NIN: variants seen among roughly 807,000 people sequenced by gnomAD.
The protein encoded by NIN is ninein.
A neutral mutation model predicts 257.6 loss-of-function variants in NIN; 137 were observed. That is an observed-to-expected ratio of 0.53 (90% CI 0.46 to 0.61). The LOEUF (loss-of-function observed/expected upper bound fraction) is 0.61, where lower values mean the gene tolerates loss of function less well. NIN is among the 20% of genes least tolerant of loss of function. The pLI is 0.00. For synonymous variants in NIN, 918 were observed against 919.8 expected, an observed-to-expected ratio of 1.00 and a Z score of 0.04; for missense variants, 2,439 against 2,501.2, an observed-to-expected ratio of 0.98 and a Z score of 0.53.
rs757074308 is a variant in NIN at position 50,754,793 on chromosome 14, C to G, written c.4613G>C (p.Ser1538Thr). Residue 1538 changes from serine (S) to threonine (T), a missense_variant, in exon 19 of 31, where the codon AGC (serine) becomes ACC (threonine). Coordinates refer to ENST00000530997, the MANE Select transcript of NIN (RefSeq NM_020921.4). ...TGTCCCTAATTTCAGGTTAGAAATG[C>G]TATCTTCTTCATTTAAAGTAGTAAT... ...NEITTLNEED[S>T]ISNLKLGTLN... The G allele has an allele frequency of 1.0e-5, 16 of 1,582,486 alleles. No individual in the cohort carries two copies. The highest frequency in any genetic ancestry group is 1.4e-5 in the Non-Finnish European group (16 of 1,159,702).
intron 3 of NIN, among the ~76,000 whole-genome samples, chr14:50,818,216 G>A (rs769640630): frequency 6.6e-5 from 10 of 150,840 alleles, no homozygotes; most frequent in East Asian, 4.0e-4. Flanking sequence ...CCAGCTACTC[G>A]GGAGGCTGAG....
chr14:50,731,694 T>C (rs2040711796), intron 28 of NIN, among the ~76,000 whole-genome samples: 1 of 151,626 alleles, frequency 6.6e-6, no homozygotes, highest in Non-Finnish European at 1.5e-5. Flanking sequence ...GGCATGGTGG[T>C]GGGCGCCTGT....
At chr14:50,792,922 A>T in intron 4 of NIN, 41 bp from the exon 5 acceptor site, 1 of 1,603,006 alleles carries the variant, frequency 6.2e-7, no homozygotes, top group Non-Finnish European at 8.5e-7. Flanking sequence ...TGACATGAGA[A>T]TCTCAGTTCT....
At chr14:50,756,127 T>A (rs187470610) in intron 18 of NIN, among the ~76,000 whole-genome samples, 1 of 148,846 alleles carries the variant, frequency 6.7e-6, no homozygotes, top group African/African-American at 2.5e-5. Flanking sequence ...ACATGTTTCC[T>A]CAAAATGAGG....
In NIN at chr14:50,822,853, T is replaced by C. The variant is rs556987464; in HGVS notation, c.-21-776A>G. ...CAGCGAGTTTTAGGTAATGCTTAGT[T>C]GCCTAGAGAAAGGGGAAGACACTAT... is the stretch of plus-strand genomic sequence containing the variant. On this transcript the variant is annotated intron_variant, in intron 2 of 30. Coordinates refer to ENST00000530997, the MANE Select transcript of NIN (RefSeq NM_020921.4). Among the ~76,000 whole-genome samples the C allele has an allele frequency of 3.3e-5, 5 of 152,354 alleles. No individual in the cohort carries two copies. In the East Asian group the frequency reaches 7.7e-4, roughly 23 times the overall value.
chr14:50,766,243 A>C, intron 14 of NIN, 64 bp downstream of exon 14: 1 of 1,201,120 alleles, frequency 8.3e-7, no homozygotes, highest in Non-Finnish European at 1.2e-6. Flanking sequence ...GAGCTAGGGA[A>C]CGGGGAAGCT....
intron 2 of NIN, among the ~76,000 whole-genome samples, chr14:50,825,471 C>T (rs1287698367): frequency 6.6e-6 from 1 of 152,204 alleles, no homozygotes; most frequent in Non-Finnish European, 1.5e-5. Flanking sequence ...ATGAGTCTGG[C>T]CTAAACTAAG....
At chr14:50,799,913 T>C (rs1056603850) in intron 4 of NIN, among the ~76,000 whole-genome samples, 1 of 151,942 alleles carries the variant, frequency 6.6e-6, no homozygotes, top group Non-Finnish European at 1.5e-5. Context: ...AGGCAGAGGT[T>C]GCAGTGAGCC....
Position 50,811,404 on chromosome 14 carries a change from C to T in NIN, c.184-4586G>A, listed in dbSNP as rs112865137. Among the ~76,000 whole-genome samples the T allele has an allele frequency of 9.3e-3, 1,416 of 151,934 alleles. 20 individuals are homozygous for T. Among genetic ancestry groups the T allele is most frequent in the African/African-American group, 0.032 (1,330 of 41,428 alleles). On this transcript the variant is annotated intron_variant, in intron 3 of 30. Transcript: ENST00000530997. Reference sequence around the variant, plus strand: ...GATTACAGGTGTGAGCCATCGCGCCCGGCCTTGAGGGTATTACTCTTACAA... The same window carrying T: ...GATTACAGGTGTGAGCCATCGCGCCTGGCCTTGAGGGTATTACTCTTACAA...
intron 30 of NIN, among the ~76,000 whole-genome samples, chr14:50,724,657 C>A (rs1429585541): frequency 1.3e-5 from 2 of 152,180 alleles, no homozygotes; most frequent in Non-Finnish European, 2.9e-5. Context: ...CCTGTTCCCC[C>A]TTCCTCTCTA....
At chr14:50,814,305 C>T (rs2044776734) in intron 3 of NIN, among the ~76,000 whole-genome samples, 1 of 152,178 alleles carries the variant, frequency 6.6e-6, no homozygotes, top group Non-Finnish European at 1.5e-5. Flanking sequence ...TCACTCTAAC[C>T]ATGTTTCTTG....
intron 25 of NIN, among the ~76,000 whole-genome samples, chr14:50,740,006 C>T (rs975093182): frequency 2.6e-5 from 4 of 152,052 alleles, no homozygotes; most frequent in Admixed American, 1.3e-4. Flanking sequence ...ATGTAATTAA[C>T]GTCTGAATTC....
chr14:50,725,209 A>G (rs2040362970), intron 30 of NIN, among the ~76,000 whole-genome samples: 2 of 152,072 alleles, frequency 1.3e-5, no homozygotes, highest in African/African-American at 4.8e-5. Context: ...GCTTTTAAGT[A>G]TCTAAAGAAC....
In NIN at chr14:50,757,613, G is replaced by A. The variant is rs2042089370; in HGVS notation, c.3417C>T (p.Thr1139=). Residue 1139 remains threonine (T), a synonymous_variant, in exon 18 of 31, where the codon ACC becomes ACT. Coordinates refer to ENST00000530997, the MANE Select transcript of NIN (RefSeq NM_020921.4). ...CCAGGTCACTTAGGACATGCCGCCT[G>A]GTCACACCTTCTACTTGCTTCGTTC... ...QNRTKQVEGV[T]RRHVLSDLED... 6.2e-7 allele frequency: 1 copy of A among 1,614,068 alleles called. No homozygotes were observed. The highest frequency in any genetic ancestry group is 1.1e-5 in the South Asian group (1 of 91,082).
At chr14:50,812,950 C>T (rs939637861) in intron 3 of NIN, among the ~76,000 whole-genome samples, 1 of 152,204 alleles carries the variant, frequency 6.6e-6, no homozygotes, top group East Asian at 1.9e-4. Context: ...TTAAGTCTTG[C>T]ATTGATCTTT....
chr14:50,766,110 C>T (rs2042476011), intron 14 of NIN, among the ~76,000 whole-genome samples, 197 bp downstream of exon 14: 1 of 151,830 alleles, frequency 6.6e-6, no homozygotes, highest in African/African-American at 2.4e-5. Context: ...GCTCTAAGCA[C>T]TTTACATATA....
intron 3 of NIN, among the ~76,000 whole-genome samples, chr14:50,810,723 G>A (rs1876932929): frequency 1.3e-5 from 2 of 151,896 alleles, no homozygotes; most frequent in South Asian, 2.1e-4. Context: ...GTGCAGTGGC[G>A]TGTCTCGGCT....
intron 4 of NIN, among the ~76,000 whole-genome samples, chr14:50,796,161 C>T (rs962306804): frequency 5.3e-5 from 8 of 152,128 alleles, no homozygotes; most frequent in Non-Finnish European, 7.4e-5. Context: ...TTTGGCATCA[C>T]TACAAAAATT....
intron 16 of NIN, 75 bp from the exon 17 acceptor site, chr14:50,760,434 T>C: frequency 1.1e-6 from 1 of 893,134 alleles, no homozygotes; most frequent in Non-Finnish European, 1.6e-6. Context: ...GGAGCAGCAA[T>C]TGCTTTTTTT....
Sources: gnomAD v4.1 joint callset for allele counts (sites outside exome capture counted in the v4.1 genomes callset) on GRCh38, gnomAD v4.1.1 for gene constraint, MANE v1.5 for transcripts, NCBI Gene and HGNC (gene_info 2026-07-23, HGNC 2026-07-21) for gene names.